Variants in MB21D2 observed in about 807,000 individuals in gnomAD.
MB21D2 encodes nucleotidyltransferase MB21D2.
In MB21D2, 9 loss-of-function variants were observed where a neutral mutation model predicts 33.3. The observed-to-expected ratio is 0.27, with a 90% CI of 0.16 to 0.47. The LOEUF (loss-of-function observed/expected upper bound fraction) is 0.47. Among genes scored for constraint, MB21D2 ranks in the 20% least tolerant of loss-of-function variants. MB21D2 has a pLI of 0.99. For synonymous variants in MB21D2, 241 were observed against 236.3 expected (o/e 1.02, Z -0.18); for missense variants, 540 against 624.6 (o/e 0.86, Z 1.44).
intron 1 of MB21D2, among the ~76,000 whole-genome samples, chr3:192,814,587 G>C (rs1711870892): frequency 6.6e-6 from 1 of 152,130 alleles, no homozygotes; most frequent in African/African-American, 2.4e-5. Flanking sequence ...TCTTGGGCGG[G>C]CGCGGTGGCT....
intron 1 of MB21D2, among the ~76,000 whole-genome samples, chr3:192,881,678 A>G (rs150892048): frequency 6.6e-6 from 1 of 152,240 alleles, no homozygotes; most frequent in East Asian, 1.9e-4. Flanking sequence ...GAAATAAGCT[A>G]TTCGGTACCT....
At chr3:192,903,943 C>T (rs1209213394) in intron 1 of MB21D2, among the ~76,000 whole-genome samples, 1 of 152,206 alleles carries the variant, frequency 6.6e-6, no homozygotes, top group Non-Finnish European at 1.5e-5. Flanking sequence ...TGAGCAGATG[C>T]CAGCACTATG....
In MB21D2 at chr3:192,887,015, G is replaced by T. The variant is rs538157870; in HGVS notation, c.211+30615C>A. Among the ~76,000 whole-genome samples, 21 of 151,604 alleles carry T rather than the reference G, an allele frequency of 1.4e-4. No individual in the cohort carries two copies. The South Asian group carries it at 4.2e-3, about 30-fold the overall frequency. On this transcript the variant is annotated intron_variant, in intron 1 of 1. Transcript: ENST00000392452. ...GGAAAAAAAAAAAATCCCCACTTTC[G>T]CCACTGTCCCTAGATTCTTCACTAT... is the stretch of plus-strand genomic sequence containing the variant.
At chr3:192,868,654 T>C (rs900435788) in intron 1 of MB21D2, among the ~76,000 whole-genome samples, 4 of 152,082 alleles carry the variant, frequency 2.6e-5, no homozygotes, top group African/African-American at 9.7e-5. Context: ...GGAAAAGACA[T>C]ATAGGCAAAT....
chr3:192,798,700 G>A lies in MB21D2; in HGVS notation c.1162C>T (p.Leu388=), dbSNP rs201832985. 1 of 1,613,400 alleles carries A rather than the reference G, an allele frequency of 6.2e-7. No individual in the cohort carries two copies. Among genetic ancestry groups the A allele is most frequent in the African/African-American group, 1.3e-5 (1 of 75,066 alleles). Residue 388 remains leucine, a synonymous_variant, in exon 2 of 2, where the codon CTG becomes TTG. Coordinates refer to ENST00000392452, the MANE Select transcript of MB21D2 (RefSeq NM_178496.4). The surrounding 1 kb of genome is among the most constrained non-coding windows in gnomAD (Gnocchi z 4.8). ...FIPQCNMLEH[L]SEETVMLHAR... is the part of the protein sequence containing the mutation. ...TGAAGCATGACTGTCTCCTCAGACA[G>A]ATGTTCCAGCATGTTGCACTGAGGG...
chr3:192,849,148 C>T (rs1005933642), intron 1 of MB21D2, among the ~76,000 whole-genome samples: 1 of 152,262 alleles, frequency 6.6e-6, no homozygotes, highest in African/African-American at 2.4e-5. Flanking sequence ...CCTCTGGCCA[C>T]TGGAGTGACA....
rs147764977 is a variant in MB21D2, at chr3:192,887,616, G to A, written c.211+30014C>T. 2.4e-4 allele frequency among the ~76,000 whole-genome samples: 37 copies of A among 151,994 alleles called. 1 individual carries two copies. Among genetic ancestry groups the A allele is most frequent in the African/African-American group, 8.5e-4 (35 of 41,386 alleles). ...TACAGAAAAAACAAAGGTATATGGG[G>A]GTTCATTATACCAGTCTCTATTTTT... On this transcript the variant is annotated intron_variant, in intron 1 of 1. Transcript: ENST00000392452.
intron 1 of MB21D2, among the ~76,000 whole-genome samples, chr3:192,910,298 C>CAAAAA (rs747554734): frequency 3.8e-5 from 2 of 52,278 alleles, no homozygotes; most frequent in African/African-American, 1.0e-4. Context: ...ACCATCTCTA[C>CAAAAA]AAAAAAAAAA....
At chr3:192,868,863 T>C (rs1013368782) in intron 1 of MB21D2, among the ~76,000 whole-genome samples, 1 of 152,252 alleles carries the variant, frequency 6.6e-6, no homozygotes, top group South Asian at 2.1e-4. Flanking sequence ...CAAACTATCA[T>C]ACAAAGCACA....
intron 1 of MB21D2, among the ~76,000 whole-genome samples, chr3:192,801,174 A>T (rs1320083463): frequency 3.3e-5 from 5 of 152,248 alleles, no homozygotes; most frequent in Non-Finnish European, 5.9e-5. Flanking sequence ...AGATGGAATT[A>T]ACATAAATTC....
At chr3:192,910,104 T>C (rs1300066183) in intron 1 of MB21D2, among the ~76,000 whole-genome samples, 1 of 151,242 alleles carries the variant, frequency 6.6e-6, no homozygotes, top group Non-Finnish European at 1.5e-5. Context: ...CCTCAGAAGA[T>C]GGCAAATAAG....
At chr3:192,858,785 A>AGAC (rs1426167735) in intron 1 of MB21D2, among the ~76,000 whole-genome samples, 10 of 152,240 alleles carry the variant, frequency 6.6e-5, no homozygotes, top group Non-Finnish European at 1.5e-4. Context: ...CCCAGGAAGA[A>AGAC]GACAGTGTCA....
rs538072055 is a variant in MB21D2, at chr3:192,904,305, G to A, written c.211+13325C>T. ...TGGATGAACTGCCACCCTTCTCTGG[G>A]TCTCAGTTTTCAGAGCAGGCTGCAA... On this transcript the variant is annotated intron_variant, in intron 1 of 1. Coordinates refer to ENST00000392452, the MANE Select transcript of MB21D2 (RefSeq NM_178496.4). Among the ~76,000 whole-genome samples, 498 of 152,254 alleles carry A rather than the reference G, an allele frequency of 3.3e-3. 1 individual carries two copies. Among genetic ancestry groups the A allele is most frequent in the Middle Eastern group, 0.01 (3 of 294 alleles).
chr3:192,803,478 C>T (rs1015874097), intron 1 of MB21D2, among the ~76,000 whole-genome samples: 2 of 152,202 alleles, frequency 1.3e-5, no homozygotes, highest in East Asian at 3.8e-4. Flanking sequence ...AAGCTAATCC[C>T]TTCCTACATC....
At chr3:192,885,697 G>C (rs1713717258) in intron 1 of MB21D2, among the ~76,000 whole-genome samples, 1 of 152,098 alleles carries the variant, frequency 6.6e-6, no homozygotes, top group Admixed American at 6.5e-5. Flanking sequence ...GGCTCTCTGA[G>C]TAGAAGATAC....
chr3:192,869,362 G>GAAGGGAGA (rs1163303241), intron 1 of MB21D2, among the ~76,000 whole-genome samples: 3 of 151,724 alleles, frequency 2.0e-5, no homozygotes, highest in African/African-American at 7.3e-5. Flanking sequence ...AGGAAGGGAG[G>GAAGGGAGA]AAAGGAAGAA....
At chr3:192,916,678 C>T (rs967882086) in intron 1 of MB21D2, among the ~76,000 whole-genome samples, 1 of 152,190 alleles carries the variant, frequency 6.6e-6, no homozygotes, top group East Asian at 1.9e-4. Flanking sequence ...ATAATCCCAA[C>T]GGCAGGACAC....
chr3:192,853,187 G>A (rs1463238971), intron 1 of MB21D2, among the ~76,000 whole-genome samples: 1 of 152,080 alleles, frequency 6.6e-6, no homozygotes, highest in Non-Finnish European at 1.5e-5. Context: ...CCTGGTCTTT[G>A]AGACCAACCA....
chr3:192,843,925 T>C (rs1044480211), intron 1 of MB21D2, among the ~76,000 whole-genome samples: 49 of 152,272 alleles, frequency 3.2e-4, no homozygotes, highest in African/African-American at 1.2e-3. Context: ...TATGCTCCGT[T>C]TGTATATGAG....
Sources: allele counts gnomAD v4.1 joint callset (sites outside exome capture counted in the v4.1 genomes callset), GRCh38; gene constraint gnomAD v4.1.1; non-coding constraint Gnocchi (gnomAD v3.1); transcripts MANE v1.5; gene names NCBI Gene and HGNC (gene_info 2026-07-23, HGNC 2026-07-21).